Variants in XKR9 observed in about 807,000 individuals in gnomAD.
XKR9 encodes XK-related protein 9.
Under a neutral mutation model 32.0 loss-of-function variants are expected in XKR9, and 32 were observed. The ratio of observed to expected loss-of-function variants is 1.00; its 90% CI spans 0.76 to 1.34. The LOEUF (loss-of-function observed/expected upper bound fraction) is 1.34, where lower values mean the gene tolerates loss of function less well. Among genes scored for constraint, XKR9 ranks in the 40% most tolerant of loss-of-function variants. The pLI is 0.00. For synonymous variants in XKR9, 168 were observed against 143.4 expected (o/e 1.17, Z -1.22); for missense variants, 546 against 429.7 (o/e 1.27, Z -2.39).
At chr8:70,799,032 GC>G in the XKR9 span, among the ~76,000 whole-genome samples, 3 of 152,062 alleles carry the variant, frequency 2.0e-5, no homozygotes, top group Non-Finnish European at 4.4e-5. Context: ...GGCTGTTCAA[GC>G]TTTTTTTTGG....
chr8:70,699,905 C>G (rs1348249548), intron 3 of XKR9, among the ~76,000 whole-genome samples: 1 of 152,092 alleles, frequency 6.6e-6, no homozygotes, highest in Non-Finnish European at 1.5e-5. Flanking sequence ...TTTCTCTAAA[C>G]TTCCCTTCTC....
At chr8:70,676,278 C>T (rs374110308) in intron 2 of XKR9, among the ~76,000 whole-genome samples, 2 of 152,134 alleles carry the variant, frequency 1.3e-5, no homozygotes, top group East Asian at 3.9e-4. Flanking sequence ...CCCTATGACC[C>T]AAAACCTCCA....
the XKR9 span, among the ~76,000 whole-genome samples, chr8:70,849,865 C>A: frequency 6.6e-6 from 1 of 152,080 alleles, no homozygotes; most frequent in Non-Finnish European, 1.5e-5. Context: ...GCTGGAAAAT[C>A]TAGAAGAAAT....
At chr8:70,852,859 A>C in the XKR9 span, among the ~76,000 whole-genome samples, 2 of 151,790 alleles carry the variant, frequency 1.3e-5, no homozygotes, top group African/African-American at 4.8e-5. Context: ...CAGGTGGGGG[A>C]CAGGAAAAGG....
rs140607007 is a variant in XKR9 at position 70,706,933 on chromosome 8, G to A, written c.273G>A (p.Arg91=). The A allele has an allele frequency of 1.2e-6, 2 of 1,607,316 alleles. No homozygotes were observed. Among genetic ancestry groups the A allele is most frequent in the Non-Finnish European group, 1.7e-6 (2 of 1,175,118 alleles). Residue 91 remains arginine, a splice_region_variant and synonymous_variant, in exon 4 of 5, where the codon AGG becomes AGA. Coordinates refer to ENST00000408926, the MANE Select transcript of XKR9 (RefSeq NM_001011720.2). ...AGAAATGTTTATGTTTACTTTATAG[G>A]TATTGGTTTGCCTTAAAAAGGGGTT... ...LHCLQGGVFT[R]YWFALKRGYH...
chr8:70,674,166 C>T (rs1818811906), intron 1 of XKR9, among the ~76,000 whole-genome samples: 1 of 151,876 alleles, frequency 6.6e-6, no homozygotes. Flanking sequence ...AAGACCTTGT[C>T]TCTTAAAAAA....
chr8:71,046,287 G>C, the XKR9 span, among the ~76,000 whole-genome samples: 6 of 152,284 alleles, frequency 3.9e-5, no homozygotes, highest in African/African-American at 1.4e-4. Flanking sequence ...GCCGATATGA[G>C]CCCAAGTCTG....
the XKR9 span, among the ~76,000 whole-genome samples, chr8:70,915,843 G>A: frequency 1.3e-5 from 2 of 152,270 alleles, no homozygotes; most frequent in East Asian, 1.9e-4. Context: ...TGCATCTGTA[G>A]AGAAAAATCT....
At chr8:70,992,567 G>T in the XKR9 span, among the ~76,000 whole-genome samples, 3 of 152,158 alleles carry the variant, frequency 2.0e-5, no homozygotes, top group Non-Finnish European at 4.4e-5. Context: ...TGTGAGACCG[G>T]TGCAAGGATT....
At chr8:70,836,275 G>A in the XKR9 span, among the ~76,000 whole-genome samples, 1 of 152,042 alleles carries the variant, frequency 6.6e-6, no homozygotes, top group Non-Finnish European at 1.5e-5. Context: ...TTTGACAAAT[G>A]AATATGCCTG....
At chr8:70,743,390 C>T (rs781530346) in intron 2 of XKR9, among the ~76,000 whole-genome samples, 44 of 152,276 alleles carry the variant, frequency 2.9e-4, no homozygotes, top group Admixed American at 1.0e-3. Context: ...TGGGATTGGT[C>T]TCCATTCATT....
the XKR9 span, among the ~76,000 whole-genome samples, chr8:71,015,198 C>G: frequency 6.6e-6 from 1 of 152,162 alleles, no homozygotes; most frequent in Non-Finnish European, 1.5e-5. Flanking sequence ...TATGAAGCAA[C>G]TAATTTTGAG....
At chr8:70,719,223 G>C (rs889446461) in intron 4 of XKR9, among the ~76,000 whole-genome samples, 1 of 152,050 alleles carries the variant, frequency 6.6e-6, no homozygotes, top group African/African-American at 2.4e-5. Context: ...CAGATGGATA[G>C]ACTGCAAAAA....
chr8:70,687,361 TCTTTC>T (rs1210356384), intron 3 of XKR9, among the ~76,000 whole-genome samples: 1 of 148,364 alleles, frequency 6.7e-6, no homozygotes, highest in Non-Finnish European at 1.5e-5. Flanking sequence ...TTTCTTTCTC[TCTTTC>T]CTTTCTTTCT....
At chr8:71,003,733 GA>G in the XKR9 span, among the ~76,000 whole-genome samples, 27 of 152,294 alleles carry the variant, frequency 1.8e-4, no homozygotes, top group African/African-American at 6.3e-4. Context: ...CAACCAGAAA[GA>G]ACAAAGTTAT....
chr8:70,899,383 C>T, the XKR9 span, among the ~76,000 whole-genome samples: 1 of 149,502 alleles, frequency 6.7e-6, no homozygotes, highest in Non-Finnish European at 1.5e-5. Flanking sequence ...TCCCATACTC[C>T]TCAACTCACT....
intron 2 of XKR9, among the ~76,000 whole-genome samples, chr8:70,743,004 G>T (rs1208589853): frequency 1.3e-5 from 2 of 151,724 alleles, no homozygotes; most frequent in South Asian, 2.1e-4. Context: ...TATTCTCATG[G>T]TTTTTCTTCT....
the XKR9 span, among the ~76,000 whole-genome samples, chr8:70,884,211 C>G: frequency 6.6e-6 from 1 of 151,904 alleles, no homozygotes; most frequent in African/African-American, 2.4e-5. Flanking sequence ...AGATCTTTGC[C>G]TAGTTTTAAA....
At chr8:70,845,082 G>T in the XKR9 span, among the ~76,000 whole-genome samples, 1 of 152,200 alleles carries the variant, frequency 6.6e-6, no homozygotes, top group African/African-American at 2.4e-5. Flanking sequence ...TCCAAGGAGT[G>T]GCCTACCTGG....
Sources: gnomAD v4.1 joint callset for allele counts (sites outside exome capture counted in the v4.1 genomes callset) on GRCh38, gnomAD v4.1.1 for gene constraint, MANE v1.5 for transcripts, NCBI Gene and HGNC (gene_info 2026-07-23, HGNC 2026-07-21) for gene names.